EFHC1: variants seen among roughly 807,000 people sequenced by gnomAD.
EFHC1 encodes EF-hand domain containing 1.
Under a neutral mutation model 69.9 loss-of-function variants are expected in EFHC1, and 53 were observed. That is an observed-to-expected ratio of 0.76 (90% CI 0.61 to 0.95). The LOEUF (loss-of-function observed/expected upper bound fraction) is 0.95, where lower values mean the gene tolerates loss of function less well. Ranked by LOEUF, EFHC1 falls within the 40% of genes least tolerant of loss-of-function variation. The probability of loss-of-function intolerance (pLI) is 0.00; values close to 1 mark genes in which losing one functional copy is unlikely to be tolerated. For synonymous variants in EFHC1, 256 were observed against 278.4 expected, an observed-to-expected ratio of 0.92 and a Z score of 0.80; for missense variants, 739 against 798.7, an observed-to-expected ratio of 0.93 and a Z score of 0.90.
At chr6:52,478,012 A>T (rs1286897832) in intron 7 of EFHC1, among the ~76,000 whole-genome samples, 1 of 152,116 alleles carries the variant, frequency 6.6e-6, no homozygotes, top group Non-Finnish European at 1.5e-5. Context: ...AATAGCAAAG[A>T]CTTGGAACCA....
chr6:52,422,509 T>TA (rs1764214350), intron 1 of EFHC1, among the ~76,000 whole-genome samples: 1 of 152,188 alleles, frequency 6.6e-6, no homozygotes, highest in Non-Finnish European at 1.5e-5. Flanking sequence ...CAAAAGAAGT[T>TA]TATTCTGTTG....
Position 52,494,649 on chromosome 6 carries a change from A to G in EFHC1, c.*2308A>G, listed in dbSNP as rs1246609078. On this transcript the variant is annotated 3_prime_UTR_variant, in exon 11 of 11. Coordinates refer to ENST00000371068, the MANE Select transcript of EFHC1 (RefSeq NM_018100.4). ...TTACATGAGTATATTGCACCCAGGT[A>G]GTGAGCATAGTGCCCAGTAAGTAGT... is the stretch of plus-strand genomic sequence containing the variant. 6.6e-6 allele frequency: 3 copies of G among 453,978 alleles called. No homozygotes were observed. The highest frequency in any genetic ancestry group is 3.1e-5 in the South Asian group (2 of 64,480). The allele number at this position is 453,978 out of a possible 1,614,324, so 28.1% of individuals were successfully genotyped here.
intron 2 of EFHC1, among the ~76,000 whole-genome samples, chr6:52,436,807 A>G (rs1326048144): frequency 1.3e-5 from 2 of 151,966 alleles, no homozygotes; most frequent in Admixed American, 6.6e-5. Flanking sequence ...AAGCCTGGCT[A>G]ATTTTTGTAT....
chr6:52,451,007 C>T (rs1365937486), intron 3 of EFHC1, among the ~76,000 whole-genome samples: 3 of 152,064 alleles, frequency 2.0e-5, no homozygotes, highest in Non-Finnish European at 4.4e-5. Flanking sequence ...ACCATGTTGG[C>T]CAGGCTGGTC....
intron 3 of EFHC1, among the ~76,000 whole-genome samples, chr6:52,444,998 T>C (rs1379556222): frequency 1.3e-5 from 2 of 152,134 alleles, no homozygotes; most frequent in African/African-American, 4.8e-5. Flanking sequence ...GGATTCAACT[T>C]CTTCCCAGTT....
rs1302934616 is a variant in EFHC1, at chr6:52,496,532, C to T, written c.*4191C>T. The T allele has an allele frequency of 6.6e-6, 1 of 152,170 alleles. No homozygotes were observed. Among genetic ancestry groups the T allele is most frequent in the Non-Finnish European group, 1.5e-5 (1 of 68,036 alleles). 9.4% of individuals were successfully genotyped at this position (152,170 alleles called of 1,614,324 possible). A position where few individuals can be genotyped will look rare whatever the true frequency, so the allele number is the denominator to read the frequency against. Reference sequence around the variant, plus strand: ...CTCTAAATGTTGTCCAGAGAATCCACTTGGTTAAGTGACTCCTGAGTATCC... The same window carrying T: ...CTCTAAATGTTGTCCAGAGAATCCATTTGGTTAAGTGACTCCTGAGTATCC... On this transcript the variant is annotated 3_prime_UTR_variant, in exon 11 of 11. Coordinates refer to ENST00000371068, the MANE Select transcript of EFHC1 (RefSeq NM_018100.4).
intron 2 of EFHC1, among the ~76,000 whole-genome samples, chr6:52,431,257 G>A (rs991907223): frequency 6.6e-6 from 1 of 151,848 alleles, no homozygotes; most frequent in Non-Finnish European, 1.5e-5. Context: ...GGTTTGGTTT[G>A]TTCTTGTTTT....
rs1246918690 is a variant in EFHC1 at position 52,477,098 on chromosome 6, A to G, written c.1279-1939A>G. ...CTCTTTCCTGCCATAATAAACCATT[A>G]CCATTGTCCCCCCCAACCCCCCGGT... On this transcript the variant is annotated intron_variant, in intron 7 of 10. Transcript: ENST00000371068. Among the ~76,000 whole-genome samples the G allele has an allele frequency of 3.3e-5, 5 of 152,198 alleles. No individual in the cohort carries two copies. The South Asian group carries it at 8.3e-4, about 25-fold the overall frequency.
intron 9 of EFHC1, chr6:52,488,796 A>C (rs1362312771): frequency 6.6e-6 from 1 of 152,228 alleles, no homozygotes; most frequent in Non-Finnish European, 1.5e-5. Context: ...GTAACACTCT[A>C]TACATACTTT....
intron 6 of EFHC1, among the ~76,000 whole-genome samples, chr6:52,467,634 A>C (rs571352072): frequency 6.6e-6 from 1 of 152,310 alleles, no homozygotes; most frequent in South Asian, 2.1e-4. Flanking sequence ...CTGAAGATCT[A>C]CTGTAGATTT....
chr6:52,423,615 C>T, intron 1 of EFHC1: 1 of 536,766 alleles, frequency 1.9e-6, no homozygotes, highest in Non-Finnish European at 3.2e-6. Context: ...GATCCTTCCA[C>T]CTCAGCCGAC....
At chr6:52,490,723 T>TAC in intron 10 of EFHC1, 1 of 391,352 alleles carries the variant, frequency 2.6e-6, no homozygotes, top group Non-Finnish European at 4.6e-6. Context: ...AGCTGATACC[T>TAC]ACACTGGCCC....
intron 6 of EFHC1, among the ~76,000 whole-genome samples, chr6:52,467,328 G>A (rs1214708921): frequency 1.3e-5 from 2 of 151,726 alleles, no homozygotes; most frequent in Admixed American, 6.6e-5. Flanking sequence ...ACTACAGGTC[G>A]TGCCACCACA....
intron 7 of EFHC1, among the ~76,000 whole-genome samples, chr6:52,477,934 C>A (rs1272152): frequency 6.6e-6 from 1 of 151,818 alleles, no homozygotes; most frequent in African/African-American, 2.4e-5. Flanking sequence ...GGGTATATAC[C>A]GAAAGGACTA....
intron 9 of EFHC1, chr6:52,488,646 T>C (rs1765835662): frequency 6.6e-6 from 1 of 152,206 alleles, no homozygotes; most frequent in African/African-American, 2.4e-5. Flanking sequence ...ATCTTTCATG[T>C]ACCCACTTCT....
Position 52,479,219 on chromosome 6 carries a change from C to T in EFHC1, c.1461C>T (p.Pro487=). The change falls in exon 8 of 11, where the codon CCC becomes CCT. Residue 487 remains proline (P), a synonymous_variant. Transcript: ENST00000371068. ...TGGACAACCCTGTCTACTATGGCCC[C>T]AGTGACTTCTTCATTGGTGCTGTGA... is the stretch of plus-strand genomic sequence containing the variant. ...STVDNPVYYG[P]SDFFIGAVIE... is the part of the protein sequence containing the mutation. 2 of 1,614,090 alleles carry T rather than the reference C, an allele frequency of 1.2e-6. No individual in the cohort carries two copies. The highest frequency in any genetic ancestry group is 1.7e-6 in the Non-Finnish European group (2 of 1,179,988).
At chr6:52,437,966 A>G (rs1220680449) in intron 2 of EFHC1, among the ~76,000 whole-genome samples, 1 of 152,230 alleles carries the variant, frequency 6.6e-6, no homozygotes, top group African/African-American at 2.4e-5. Context: ...TTAACAAAAA[A>G]GCGTAAATTA....
chr6:52,490,446 C>G (rs1765875616), intron 10 of EFHC1, 96 bp downstream of exon 10: 1 of 1,058,864 alleles, frequency 9.4e-7, no homozygotes, highest in Admixed American at 1.8e-5. Context: ...TACAACTGGG[C>G]CAGATTTAGG....
intron 10 of EFHC1, 21 bp from the exon 11 acceptor site, chr6:52,492,249 T>G (rs1433525658): frequency 6.2e-7 from 1 of 1,610,776 alleles, no homozygotes; most frequent in African/African-American, 1.3e-5. Flanking sequence ...GTCTCACCTA[T>G]TCTCTTTGCT....
Sources: gnomAD v4.1 joint callset for allele counts (sites outside exome capture counted in the v4.1 genomes callset) on GRCh38, gnomAD v4.1.1 for gene constraint, MANE v1.5 for transcripts, NCBI Gene and HGNC (gene_info 2026-07-23, HGNC 2026-07-21) for gene names.